Variants in MINDY2 observed in about 807,000 individuals in gnomAD.
MINDY2 encodes the protein MINDY lysine 48 deubiquitinase 2, also known as ubiquitin carboxyl-terminal hydrolase MINDY-2.
In MINDY2, 52 loss-of-function variants were observed where a neutral mutation model predicts 68.2. The ratio of observed to expected loss-of-function variants is 0.76; its 90% CI spans 0.61 to 0.96. The LOEUF (loss-of-function observed/expected upper bound fraction) is 0.96. Among genes scored for constraint, MINDY2 ranks in the 40% least tolerant of loss-of-function variants. The pLI is 0.00. For synonymous variants in MINDY2, 372 were observed against 303.0 expected (o/e 1.23, Z -2.36); for missense variants, 881 against 773.4 (o/e 1.14, Z -1.65).
At chr15:58,794,347 G>GT (rs201324950) in intron 2 of MINDY2, among the ~76,000 whole-genome samples, 2,368 of 135,508 alleles carry the variant, frequency 0.017, 32 homozygotes, top group Middle Eastern at 0.041. Flanking sequence ...TAGAATAAAA[G>GT]TTTTTTTTGG....
chr15:58,804,274 C>T (rs940833018), intron 3 of MINDY2, among the ~76,000 whole-genome samples: 1 of 152,128 alleles, frequency 6.6e-6, no homozygotes. Flanking sequence ...GAAATCTCAT[C>T]CCAGCTTCCA....
rs1280043214 is a variant in MINDY2 at position 58,798,275 on chromosome 15, C to G, written c.899-4038C>G. On this transcript the variant is annotated intron_variant, in intron 2 of 8. Transcript: ENST00000559228. The stretch of plus-strand genomic sequence containing the variant: ...GGGATTACAGGCGCCCGCCACCATG[C>G]CCAGCTAATTTTTGTATTTTTTTTT... Among the ~76,000 whole-genome samples the G allele has an allele frequency of 4.6e-5, 7 of 151,714 alleles. No individual in the cohort carries two copies. In the East Asian group the frequency reaches 1.4e-3, roughly 29 times the overall value.
At chr15:58,807,536 G>C (rs1476093844) in intron 3 of MINDY2, among the ~76,000 whole-genome samples, 2 of 151,732 alleles carry the variant, frequency 1.3e-5, no homozygotes, top group Admixed American at 6.6e-5. Context: ...AAAGTTTTTT[G>C]TATTTTTTAG....
At chr15:58,823,426 C>G (rs1241788370) in intron 5 of MINDY2, among the ~76,000 whole-genome samples, 1 of 152,022 alleles carries the variant, frequency 6.6e-6, no homozygotes, top group African/African-American at 2.4e-5. Context: ...GTAATCCCAG[C>G]ACTTTGGGAG....
intron 1 of MINDY2, among the ~76,000 whole-genome samples, chr15:58,783,281 A>T (rs1187544441): frequency 1.3e-5 from 2 of 152,090 alleles, no homozygotes; most frequent in Non-Finnish European, 2.9e-5. Flanking sequence ...ATTTTCTCAA[A>T]TATCTTCCAA....
intron 5 of MINDY2, among the ~76,000 whole-genome samples, chr15:58,827,380 ATTC>A (rs1480923744): frequency 6.6e-6 from 1 of 152,068 alleles, no homozygotes; most frequent in African/African-American, 2.4e-5. Flanking sequence ...ATTAGTTGTT[ATTC>A]TTCTGTAACA....
At chr15:58,785,910 C>G (rs910474378) in intron 1 of MINDY2, among the ~76,000 whole-genome samples, 4 of 152,096 alleles carry the variant, frequency 2.6e-5, no homozygotes, top group Admixed American at 6.6e-5. Context: ...TACTCCTGAC[C>G]TCAAGTGATC....
chr15:58,781,250 C>T (rs2140903047), intron 1 of MINDY2, among the ~76,000 whole-genome samples: 1 of 152,184 alleles, frequency 6.6e-6, no homozygotes, highest in South Asian at 2.1e-4. Flanking sequence ...CAGGGTTTTA[C>T]CATGTTGGCC....
rs556628874 is a variant in MINDY2 at position 58,861,559 on chromosome 15, C to G, written c.*6949C>G. 1 of 152,266 alleles carries G rather than the reference C, an allele frequency of 6.6e-6. No homozygotes were observed. Among genetic ancestry groups the G allele is most frequent in the African/African-American group, 2.4e-5 (1 of 41,540 alleles). 9.4% of individuals were successfully genotyped at this position (152,266 alleles called of 1,614,324 possible). ...ACCATCTACCCAGCTTAGGGTTGAACTGAATTTCTGTGAAATAAATTTGTT... is the reference window on the plus strand; with the variant it reads ...ACCATCTACCCAGCTTAGGGTTGAAGTGAATTTCTGTGAAATAAATTTGTT... On this transcript the variant is annotated 3_prime_UTR_variant, in exon 9 of 9. Transcript: ENST00000559228.
intron 6 of MINDY2, 115 bp downstream of exon 6, chr15:58,832,031 C>G (rs887510396): frequency 7.6e-6 from 7 of 917,006 alleles, no homozygotes; most frequent in South Asian, 2.2e-5. Context: ...TCTTAACCAT[C>G]AAATTATGAA....
At chr15:58,836,015 T>C (rs1595766656) in intron 6 of MINDY2, among the ~76,000 whole-genome samples, 8 of 152,258 alleles carry the variant, frequency 5.3e-5, no homozygotes, top group Admixed American at 5.2e-4. Flanking sequence ...GTTCATGCCA[T>C]TCTCCTGCCT....
chr15:58,790,142 C>T (rs1901787864), intron 2 of MINDY2, among the ~76,000 whole-genome samples: 1 of 152,138 alleles, frequency 6.6e-6, no homozygotes, highest in Admixed American at 6.5e-5. Flanking sequence ...CTAGGGACCT[C>T]ATAGTTAAGG....
chr15:58,777,378 G>T (rs1237827624), intron 1 of MINDY2, among the ~76,000 whole-genome samples: 1 of 152,190 alleles, frequency 6.6e-6, no homozygotes, highest in Admixed American at 6.5e-5. Flanking sequence ...TAAGTGTAGT[G>T]GTTCTGGATG....
intron 5 of MINDY2, among the ~76,000 whole-genome samples, chr15:58,825,149 C>T (rs2031311838): frequency 6.6e-6 from 1 of 152,272 alleles, no homozygotes; most frequent in East Asian, 1.9e-4. Flanking sequence ...AAAATTCAAA[C>T]ATTTTATTTC....
intron 6 of MINDY2, among the ~76,000 whole-genome samples, chr15:58,834,493 A>G (rs1433330122): frequency 6.6e-6 from 1 of 152,222 alleles, no homozygotes; most frequent in Non-Finnish European, 1.5e-5. Flanking sequence ...GCCAATCCTC[A>G]GAACCTACCA....
intron 6 of MINDY2, among the ~76,000 whole-genome samples, chr15:58,840,086 T>G (rs1253708881): frequency 6.6e-6 from 1 of 152,048 alleles, no homozygotes. Flanking sequence ...TGCCCGCCTC[T>G]GCCTCCCAAA....
intron 2 of MINDY2, among the ~76,000 whole-genome samples, chr15:58,797,070 A>C (rs189811397): frequency 1.9e-4 from 29 of 152,332 alleles, no homozygotes; most frequent in Admixed American, 1.2e-3. Flanking sequence ...TGAGTCCTTG[A>C]AATGTGGCCA....
intron 5 of MINDY2, among the ~76,000 whole-genome samples, chr15:58,822,727 C>T (rs2031141445): frequency 6.6e-6 from 1 of 152,062 alleles, no homozygotes; most frequent in Non-Finnish European, 1.5e-5. Context: ...AAACAGAATG[C>T]TATCAAAAGG....
chr15:58,772,052 G>A lies in MINDY2; in HGVS notation c.657G>A (p.Lys219=). 3 of 1,607,082 alleles carry A rather than the reference G, an allele frequency of 1.9e-6. No individual in the cohort carries two copies. The highest frequency in any genetic ancestry group is 2.6e-6 in the Non-Finnish European group (3 of 1,176,388). ...TGCCCGGGGCTGTTCCTCTGTGCAAGGAGGAGGAGGGGGAGGAGACCGCTC... is the reference window on the plus strand; with the variant it reads ...TGCCCGGGGCTGTTCCTCTGTGCAAAGAGGAGGAGGGGGAGGAGACCGCTC... ...AVLPGAVPLC[K]EEEGEETAQV... is the part of the protein sequence containing the mutation. The change falls in exon 1 of 9, where the codon AAG becomes AAA. Residue 219 remains lysine, a synonymous_variant. Coordinates refer to ENST00000559228, the MANE Select transcript of MINDY2 (RefSeq NM_001040450.3).
Sources: gnomAD v4.1 joint callset for allele counts (sites outside exome capture counted in the v4.1 genomes callset) on GRCh38, gnomAD v4.1.1 for gene constraint, MANE v1.5 for transcripts, NCBI Gene and HGNC (gene_info 2026-07-23, HGNC 2026-07-21) for gene names.